GRIA1: variants seen among roughly 807,000 people sequenced by gnomAD.
GRIA1 encodes the protein glutamate receptor 1.
Under a neutral mutation model 99.2 loss-of-function variants are expected in GRIA1, and 31 were observed. The observed-to-expected ratio is 0.31, with a 90% CI of 0.23 to 0.42. The LOEUF is 0.42. Among genes scored for constraint, GRIA1 ranks in the 10% least tolerant of loss-of-function variants. GRIA1 has a pLI of 1.00. For synonymous variants in GRIA1, 438 were observed against 432.4 expected (o/e 1.01, Z -0.16); for missense variants, 782 against 1,157.5 (o/e 0.68, Z 4.71).
intron 2 of GRIA1, among the ~76,000 whole-genome samples, chr5:153,637,210 G>T (rs1049735506): frequency 2.6e-5 from 4 of 152,132 alleles, no homozygotes; most frequent in Non-Finnish European, 4.4e-5. Flanking sequence ...ATAGACAGTT[G>T]GTAGTGACTA....
intron 11 of GRIA1, among the ~76,000 whole-genome samples, chr5:153,729,808 A>G (rs920146446): frequency 6.6e-6 from 1 of 152,056 alleles, no homozygotes; most frequent in Non-Finnish European, 1.5e-5. Context: ...AAAACCCTCA[A>G]ATTTGTTTGA....
At chr5:153,775,950 C>T (rs1764220343) in intron 13 of GRIA1, among the ~76,000 whole-genome samples, 1 of 151,942 alleles carries the variant, frequency 6.6e-6, no homozygotes, top group Admixed American at 6.6e-5. Context: ...AAGGGGTCCA[C>T]TTTAACCAGA....
chr5:153,730,958 A>G (rs927350310), intron 11 of GRIA1, among the ~76,000 whole-genome samples: 13 of 152,088 alleles, frequency 8.5e-5, no homozygotes, highest in Non-Finnish European at 1.9e-4. Context: ...GGTAACTAGC[A>G]CATAGGACTT....
chr5:153,629,244 T>TA (rs1405732198), intron 2 of GRIA1, among the ~76,000 whole-genome samples: 1 of 152,140 alleles, frequency 6.6e-6, no homozygotes, highest in East Asian at 1.9e-4. Flanking sequence ...CTGCTTTGGG[T>TA]AAAGCTGAAA....
At chr5:153,663,283 A>G (rs74610732) in intron 5 of GRIA1, among the ~76,000 whole-genome samples, 6,488 of 152,304 alleles carry the variant, frequency 0.043, 151 homozygotes, top group Middle Eastern at 0.088. Context: ...TTTGACTAAA[A>G]CTGGAATTCA....
intron 5 of GRIA1, among the ~76,000 whole-genome samples, chr5:153,664,835 A>G (rs1277384496): frequency 6.6e-6 from 1 of 152,330 alleles, no homozygotes; most frequent in East Asian, 1.9e-4. Flanking sequence ...TTTATCAAAC[A>G]TTCAATGGGC....
At position 153,676,384 on chromosome 5, in the gene GRIA1, T is replaced by C. The variant is rs551153101; in HGVS notation, c.862-610T>C. On this transcript the variant is annotated intron_variant, in intron 6 of 15. Coordinates refer to ENST00000285900, the MANE Select transcript of GRIA1 (RefSeq NM_000827.4). ...TTTCATCCACATCCTAGTCCCCTTT[T>C]TGTCAGGAGAGGGTATAATTGATAG... 2.0e-5 allele frequency among the ~76,000 whole-genome samples: 3 copies of C among 152,278 alleles called. No individual in the cohort carries two copies. The South Asian group carries it at 6.2e-4, about 32-fold the overall frequency.
chr5:153,514,156 C>A (rs568661037), intron 2 of GRIA1, among the ~76,000 whole-genome samples: 1 of 152,142 alleles, frequency 6.6e-6, no homozygotes, highest in Non-Finnish European at 1.5e-5. Context: ...TAAAACTGTG[C>A]CTTTCTGCAA....
chr5:153,697,421 T>C (rs2149511464), intron 8 of GRIA1, among the ~76,000 whole-genome samples: 1 of 152,296 alleles, frequency 6.6e-6, no homozygotes, highest in South Asian at 2.1e-4. Context: ...GAAAATGAAT[T>C]AGTATAAATA....
chr5:153,681,147 G>T (rs1174284011), intron 7 of GRIA1, among the ~76,000 whole-genome samples: 3 of 152,224 alleles, frequency 2.0e-5, no homozygotes, highest in East Asian at 3.8e-4. Context: ...GGAAGAGACA[G>T]TATGTCACGT....
At position 153,493,962 on chromosome 5, in the gene GRIA1, T is replaced by C; in HGVS notation, c.117T>C (p.His39=). 2 of 1,614,112 alleles carry C rather than the reference T, an allele frequency of 1.2e-6. No individual in the cohort carries two copies. Among genetic ancestry groups the C allele is most frequent in the Non-Finnish European group, 1.7e-6 (2 of 1,179,968 alleles). The change falls in exon 2 of 16, where the codon CAT becomes CAC. Residue 39 remains histidine (H), a synonymous_variant. Coordinates refer to ENST00000285900, the MANE Select transcript of GRIA1 (RefSeq NM_000827.4). ...GLFPNQQSQE[H]AAFRFALSQL... ...TTCCAAACCAGCAGTCACAGGAACA[T>C]GCTGCTTTTAGATTTGCTTTGTCGC...
At chr5:153,537,201 G>T (rs1022214384) in intron 2 of GRIA1, among the ~76,000 whole-genome samples, 1 of 152,172 alleles carries the variant, frequency 6.6e-6, no homozygotes, top group South Asian at 2.1e-4. Flanking sequence ...GGAAAGAGAT[G>T]ATGTCTGCTC....
chr5:153,684,448 T>G (rs1238246725), intron 7 of GRIA1, among the ~76,000 whole-genome samples: 1 of 152,252 alleles, frequency 6.6e-6, no homozygotes, highest in African/African-American at 2.4e-5. Flanking sequence ...AGAGAGATTA[T>G]GTACTCTGCC....
At chr5:153,716,216 C>G (rs1759658771) in intron 11 of GRIA1, among the ~76,000 whole-genome samples, 1 of 152,164 alleles carries the variant, frequency 6.6e-6, no homozygotes, top group South Asian at 2.1e-4. Context: ...ATATCAACAC[C>G]ATTTTGTGAT....
At chr5:153,773,259 A>T (rs554252750) in intron 13 of GRIA1, among the ~76,000 whole-genome samples, 2 of 152,348 alleles carry the variant, frequency 1.3e-5, no homozygotes, top group Non-Finnish European at 2.9e-5. Flanking sequence ...ACAGCTAATA[A>T]GGTAGAAGCC....
chr5:153,753,423 C>A (rs1432953711), intron 11 of GRIA1, among the ~76,000 whole-genome samples: 1 of 152,152 alleles, frequency 6.6e-6, no homozygotes, highest in Non-Finnish European at 1.5e-5. Context: ...AAGTCCATGT[C>A]CACCCATAAA....
At position 153,686,270 on chromosome 5, in the gene GRIA1, G is replaced by A. The variant is rs1312359897; in HGVS notation, c.1075G>A (p.Gly359Arg). The A allele has an allele frequency of 6.2e-7, 1 of 1,614,008 alleles. No individual in the cohort carries two copies. ...LTGNVQFNEK[G>R]RRTNYTLHVI... ...AGGAAACGTGCAGTTTAATGAGAAA[G>A]GACGCCGGACCAACTACACGCTCCA... The change falls in exon 8 of 16, where the codon GGA (glycine) becomes AGA (arginine). Residue 359 changes from glycine to arginine, a missense_variant. This residue lies in a region of GRIA1 where 461 missense variants were observed against 521.7 expected (regional missense o/e 0.88). Transcript: ENST00000285900.
intron 2 of GRIA1, among the ~76,000 whole-genome samples, chr5:153,631,330 T>A (rs1375802924): frequency 6.6e-6 from 1 of 152,238 alleles, no homozygotes; most frequent in Non-Finnish European, 1.5e-5. Context: ...TAGCCTCTTC[T>A]CTGATCAACT....
intron 4 of GRIA1, among the ~76,000 whole-genome samples, chr5:153,652,790 G>T (rs12520128): frequency 6.6e-6 from 1 of 152,084 alleles, no homozygotes; most frequent in Non-Finnish European, 1.5e-5. Flanking sequence ...AATGACTGAC[G>T]GTCAAATTGA....
Sources: allele counts gnomAD v4.1 joint callset (sites outside exome capture counted in the v4.1 genomes callset), GRCh38; gene constraint gnomAD v4.1.1; regional missense constraint gnomAD v4.1.1; transcripts MANE v1.5; gene names NCBI Gene and HGNC (gene_info 2026-07-23, HGNC 2026-07-21).